The following RIC8A variants were observed in gnomAD, a reference collection of about 807,000 sequenced individuals.
The protein encoded by RIC8A is RIC8 guanine nucleotide exchange factor A, also known as chaperone Ric-8A.
A neutral mutation model predicts 48.4 loss-of-function variants in RIC8A; 37 were observed. The observed-to-expected ratio is 0.77, with a 90% CI of 0.59 to 1.01. The LOEUF is 1.01. Among genes scored for constraint, RIC8A ranks in the 50% least tolerant of loss-of-function variants. RIC8A has a pLI of 0.00. For synonymous variants in RIC8A, 288 were observed against 283.4 expected (o/e 1.02, Z -0.16); for missense variants, 681 against 696.8 (o/e 0.98, Z 0.25).
Position 211,130 on chromosome 11 carries a change from G to C in RIC8A, c.819-69G>C. 1 of 1,503,694 alleles carries C rather than the reference G, an allele frequency of 6.7e-7. No individual in the cohort carries two copies. Among genetic ancestry groups the C allele is most frequent in the Non-Finnish European group, 9.1e-7 (1 of 1,104,242 alleles). 93.1% of individuals were successfully genotyped at this position (1,503,694 alleles called of 1,614,324 possible). A position where few individuals can be genotyped will look rare whatever the true frequency, so the allele number is the denominator to read the frequency against. ...AGCTCATGTAATGTGTGGTTCAGCG[G>C]AGTCACAAAGATTGCACCTGTGCTC... On this transcript the variant is annotated intron_variant, in intron 4 of 9. Transcript: ENST00000526104. The surrounding 1 kb of genome is among the most constrained non-coding windows in gnomAD (Gnocchi z 4.0).
intron 1 of RIC8A, 28 bp from the exon 2 acceptor site, chr11:209,243 G>A (rs1439438864): frequency 1.2e-6 from 2 of 1,613,996 alleles, no homozygotes; most frequent in South Asian, 2.2e-5. Flanking sequence ...CCCCTCTGTG[G>A]ATTTGAATTC....
chr11:212,236 A>G (rs1590076518), intron 5 of RIC8A, 180 bp from the exon 6 acceptor site: 4 of 615,498 alleles, frequency 6.5e-6, no homozygotes, highest in African/African-American at 5.5e-5. Context: ...AGTGACACAG[A>G]CACCCACCAC....
Position 212,753 on chromosome 11 carries a change from G to GA in RIC8A, c.1205dup (p.Ser403GlufsTer37). 1 of 1,614,070 alleles carries GA rather than the reference G, an allele frequency of 6.2e-7. No homozygotes were observed. Among genetic ancestry groups the GA allele is most frequent in the Non-Finnish European group, 8.5e-7 (1 of 1,180,004 alleles). On this transcript the variant is annotated frameshift_variant, in exon 7 of 10. Coordinates refer to ENST00000526104, the MANE Select transcript of RIC8A (RefSeq NM_001286134.2). LOFTEE classifies it high-confidence loss of function. Reference sequence around the variant, plus strand: ...CGAGTTCTTGTTTGTCCTGTGCTCTGAGAGTGGTGAGTTATGGAGACCCAG... The same window carrying GA: ...CGAGTTCTTGTTTGTCCTGTGCTCTGAAGAGTGGTGAGTTATGGAGACCCAG...
rs777293328 is a variant in RIC8A, at chr11:214,331, C to G, written c.1577C>G (p.Pro526Arg). Residue 526 changes from proline to arginine, a missense_variant, in exon 10 of 10, where the codon CCT becomes CGT. Coordinates refer to ENST00000526104, the MANE Select transcript of RIC8A (RefSeq NM_001286134.2). ...ETMEQQLSSD[P>R]DSDPD ...ATGGAGCAGCAGCTCTCCTCGGACC[C>G]TGACTCGGACCCTGACTGAGGATGG... The G allele has an allele frequency of 6.2e-7, 1 of 1,604,760 alleles. No individual in the cohort carries two copies. Among genetic ancestry groups the G allele is most frequent in the South Asian group, 1.1e-5 (1 of 89,490 alleles).
Position 211,323 on chromosome 11 carries a change from A to G in RIC8A, c.943A>G (p.Ile315Val). 6.2e-7 allele frequency: 1 copy of G among 1,613,954 alleles called. No individual in the cohort carries two copies. Among genetic ancestry groups the G allele is most frequent in the Non-Finnish European group, 8.5e-7 (1 of 1,179,936 alleles). The change falls in exon 5 of 10, where the codon ATC becomes GTC. Residue 315 changes from isoleucine to valine, a missense_variant. Physicochemically the swap from Ile to Val is conservative, Grantham distance 29 (BLOSUM62 3). Transcript: ENST00000526104. The surrounding 1 kb of genome is among the most constrained non-coding windows in gnomAD (Gnocchi z 4.0). ...TATGGATGTGATTCGTGCCCTCCTC[A>G]TCTTCCTAGAGAAGCGTTTGCACAA... ...VNMDVIRALLIFLEKRLHKTH... is the reference protein window; with the variant it reads ...VNMDVIRALLVFLEKRLHKTH...
intron 5 of RIC8A, chr11:212,202 C>T (rs74044911): frequency 0.015 from 8,450 of 574,884 alleles, 460 homozygotes; most frequent in African/African-American, 0.12. Flanking sequence ...CTCTGAGTTA[C>T]GCTCTATCCC....
Position 208,841 on chromosome 11 carries a change from T to C in RIC8A, c.-14T>C, listed in dbSNP as rs778055462. On this transcript the variant is annotated 5_prime_UTR_variant, in exon 1 of 10. Coordinates refer to ENST00000526104, the MANE Select transcript of RIC8A (RefSeq NM_001286134.2). The surrounding 1 kb of genome is among the most constrained non-coding windows in gnomAD (Gnocchi z 4.8). ...CGGCTGAGGAAGGGCCCGTCCCGCC[T>C]TCCCCGGCGCGCCATGGAGCCCCGG... The C allele has an allele frequency of 6.2e-6, 10 of 1,604,452 alleles. No homozygotes were observed. Among genetic ancestry groups the C allele is most frequent in the East Asian group, 2.2e-5 (1 of 44,526 alleles).
At chr11:212,551 T>G (rs766565531) in intron 6 of RIC8A, 40 bp downstream of exon 6, 7 of 1,612,618 alleles carry the variant, frequency 4.3e-6, no homozygotes, top group Admixed American at 1.7e-5. Context: ...GGGATGTGGT[T>G]TCGGCCCTGA....
At position 214,503 on chromosome 11, in the gene RIC8A, AT is replaced by A. The variant is rs749527983; in HGVS notation, c.*154del. 81 of 933,310 alleles carry A rather than the reference AT, an allele frequency of 8.7e-5. No individual in the cohort carries two copies. The highest frequency in any genetic ancestry group is 1.2e-4 in the Non-Finnish European group (73 of 596,744). The allele number at this position is 933,310 out of a possible 1,614,324, so 57.8% of individuals were successfully genotyped here. ...CCTTCTCTTGACTCCCGTTCTGTTCATGATTTGCCTCTGGTCCAGTTTCTCA... is the reference window on the plus strand; with the variant it reads ...CCTTCTCTTGACTCCCGTTCTGTTCAGATTTGCCTCTGGTCCAGTTTCTCA... On this transcript the variant is annotated 3_prime_UTR_variant, in exon 10 of 10. Transcript: ENST00000526104.
intron 5 of RIC8A, 85 bp from the exon 6 acceptor site, chr11:212,331 G>A (rs554073786): frequency 7.5e-7 from 1 of 1,328,948 alleles, no homozygotes; most frequent in South Asian, 1.3e-5. Flanking sequence ...GTATGTTGGT[G>A]GGAAGGGGTG....
chr11:212,927 A>G lies in RIC8A; in HGVS notation c.1301A>G (p.Gln434Arg), dbSNP rs753509671. 2 of 1,597,392 alleles carry G rather than the reference A, an allele frequency of 1.3e-6. No homozygotes were observed. Among genetic ancestry groups the G allele is most frequent in the Non-Finnish European group, 1.7e-6 (2 of 1,172,092 alleles). The change falls in exon 8 of 10, where the codon CAG (glutamine) becomes CGG (arginine). Residue 434 changes from glutamine (Q) to arginine (R), a missense_variant. Coordinates refer to ENST00000526104, the MANE Select transcript of RIC8A (RefSeq NM_001286134.2). ...GLMAGGRPEG[Q>R]YSEDEDTDTD... The stretch of plus-strand genomic sequence containing the variant: ...ATGGCAGGAGGCCGGCCCGAGGGCC[A>G]GTACTCAGAGGATGAGGACACAGAC...
At chr11:213,046 A>C in intron 8 of RIC8A, 65 bp downstream of exon 8, 1 of 1,492,028 alleles carries the variant, frequency 6.7e-7, no homozygotes, top group Non-Finnish European at 9.0e-7. Flanking sequence ...TTCCACACCC[A>C]TGTGGACCCC....
chr11:211,111 T>C lies in RIC8A; in HGVS notation c.819-88T>C, dbSNP rs561413789. On this transcript the variant is annotated intron_variant, in intron 4 of 9. Transcript: ENST00000526104. This position sits in a 1 kb window ranked among gnomAD's most constrained non-coding sequence, Gnocchi z 4.0. ...CCTTTGGGACTCAGATGCCAGCTCA[T>C]GTAATGTGTGGTTCAGCGGAGTCAC... is the stretch of plus-strand genomic sequence containing the variant. 3 of 1,413,552 alleles carry C rather than the reference T, an allele frequency of 2.1e-6. No homozygotes were observed. Among genetic ancestry groups the C allele is most frequent in the Admixed American group, 2.0e-5 (1 of 49,414 alleles). The allele number at this position is 1,413,552 out of a possible 1,614,324, so 87.6% of individuals were successfully genotyped here. A position where few individuals can be genotyped will look rare whatever the true frequency, so the allele number is the denominator to read the frequency against.
chr11:212,677 G>T lies in RIC8A; in HGVS notation c.1128G>T (p.Lys376Asn). Residue 376 changes from lysine (K) to asparagine (N), a missense_variant, in exon 7 of 10, where the codon AAG becomes AAT. Lys to Asn is a moderately conservative substitution (Grantham distance 94). Transcript: ENST00000526104. ...RPEVGEMLRN[K>N]LVRLMTHLDT... ...AGGTTGGGGAGATGCTGCGGAACAAGCTTGTCCGCCTCATGACACACCTGG... is the reference window on the plus strand; with the variant it reads ...AGGTTGGGGAGATGCTGCGGAACAATCTTGTCCGCCTCATGACACACCTGG... 2.5e-6 allele frequency: 4 copies of T among 1,614,110 alleles called. No homozygotes were observed. Among genetic ancestry groups the T allele is most frequent in the Non-Finnish European group, 3.4e-6 (4 of 1,180,022 alleles).
rs763742802 is a variant in RIC8A, at chr11:213,268, C to T, written c.1356-31C>T. 4.3e-6 allele frequency: 7 copies of T among 1,613,178 alleles called. No individual in the cohort carries two copies. The Admixed American group carries it at 5.0e-5, about 12-fold the overall frequency. ...CTCCTGTCCTGGAGAGTCACTAATG[C>T]ATTCCCCACATTCCACCCACTGGGA... On this transcript the variant is annotated intron_variant, in intron 8 of 9. Coordinates refer to ENST00000526104, the MANE Select transcript of RIC8A (RefSeq NM_001286134.2).
In RIC8A at chr11:213,331, A is replaced by C; in HGVS notation, c.1388A>C (p.Lys463Thr). 6.2e-7 allele frequency: 1 copy of C among 1,613,920 alleles called. No homozygotes were observed. Among genetic ancestry groups the C allele is most frequent in the Non-Finnish European group, 8.5e-7 (1 of 1,179,950 alleles). The part of the protein sequence containing the change: ...INPVTGRVEE[K>T]PPNPMEGMTE... ...CCTGTGACCGGGAGGGTGGAGGAGA[A>C]GCCGCCTAACCCTATGGAGGGCATG... Residue 463 changes from lysine (K) to threonine (T), a missense_variant, in exon 9 of 10, where the codon AAG becomes ACG. Physicochemically the swap from Lys to Thr is moderately conservative, Grantham distance 78 (BLOSUM62 -1). Transcript: ENST00000526104.
rs1240080305 is a variant in RIC8A, at chr11:208,205, A to G, written c.-650A>G. On this transcript the variant is annotated 5_prime_UTR_variant, in exon 1 of 10. Transcript: ENST00000526104. The surrounding 1 kb of genome is among the most constrained non-coding windows in gnomAD (Gnocchi z 4.8). ...TCCTTCTGCCTGGAGTGGCTCCTCCAGTCTTTTCCCGGCTCACTTCCCACC... is the reference window on the plus strand; with the variant it reads ...TCCTTCTGCCTGGAGTGGCTCCTCCGGTCTTTTCCCGGCTCACTTCCCACC... 6.6e-6 allele frequency: 1 copy of G among 152,382 alleles called. No homozygotes were observed. Among genetic ancestry groups the G allele is most frequent in the Non-Finnish European group, 1.5e-5 (1 of 68,130 alleles). 9.4% of individuals were successfully genotyped at this position (152,382 alleles called of 1,614,324 possible). A position where few individuals can be genotyped will look rare whatever the true frequency, so the allele number is the denominator to read the frequency against.
chr11:212,195 T>C (rs902720280), intron 5 of RIC8A: 3 of 566,448 alleles, frequency 5.3e-6, no homozygotes, highest in Non-Finnish European at 9.5e-6. Flanking sequence ...CGAGTACCTC[T>C]GAGTTACGCT....
At position 213,300 on chromosome 11, in the gene RIC8A, A is replaced by G. The variant is rs1439270308; in HGVS notation, c.1357A>G (p.Ile453Val). Residue 453 changes from isoleucine to valine, a missense_variant and splice_region_variant, in exon 9 of 10, where the codon ATA becomes GTA. Ile to Val is a conservative substitution (Grantham distance 29, BLOSUM62 3). Coordinates refer to ENST00000526104, the MANE Select transcript of RIC8A (RefSeq NM_001286134.2). ...TDEYKEAKAS[I>V]NPVTGRVEEK... Reference sequence around the variant, plus strand: ...CACATTCCACCCACTGGGAAACAGCATAAACCCTGTGACCGGGAGGGTGGA... The same window carrying G: ...CACATTCCACCCACTGGGAAACAGCGTAAACCCTGTGACCGGGAGGGTGGA... 6.2e-7 allele frequency: 1 copy of G among 1,613,914 alleles called. No homozygotes were observed. The highest frequency in any genetic ancestry group is 1.3e-5 in the African/African-American group (1 of 74,936).
Sources: allele counts gnomAD v4.1 joint callset, GRCh38; gene constraint gnomAD v4.1.1; non-coding constraint Gnocchi (gnomAD v3.1); transcripts MANE v1.5; gene names NCBI Gene and HGNC (gene_info 2026-07-23, HGNC 2026-07-21).